ZNF728: variants seen among roughly 807,000 people sequenced by gnomAD.
The protein encoded by ZNF728 is zinc finger protein 728.
A neutral mutation model predicts 12.5 loss-of-function variants in ZNF728; 12 were observed. The ratio of observed to expected loss-of-function variants is 0.96; its 90% CI spans 0.61 to 1.55. The LOEUF is 1.55. ZNF728 is among the 40% of genes most tolerant of loss of function. ZNF728 has a pLI of 0.00. For missense variants in ZNF728, 692 were observed against 719.2 expected, an observed-to-expected ratio of 0.96 and a Z score of 0.43; for synonymous variants, 205 against 240.7, an observed-to-expected ratio of 0.85 and a Z score of 1.37.
At chr19:22,978,485 C>A (rs889032279) in intron 3 of ZNF728, among the ~76,000 whole-genome samples, 1 of 152,164 alleles carries the variant, frequency 6.6e-6, no homozygotes, top group Non-Finnish European at 1.5e-5. Flanking sequence ...CATAAAAAAA[C>A]AACACCTAGC....
chr19:22,977,043 C>T lies in ZNF728; in HGVS notation c.294G>A (p.Val98=). The change falls in exon 4 of 4, where the codon GTG becomes GTA. Residue 98 remains valine, a synonymous_variant. Coordinates refer to ENST00000594710, the MANE Select transcript of ZNF728 (RefSeq NM_001267716.2). ...EQGREDSFQK[V]ILRRYEKCGH... The stretch of plus-strand genomic sequence containing the variant: ...CACATTTTTCATATCTTCTCAATAT[C>T]ACTTTTTGGAAAGAATCTTCTCTGC... 6.2e-7 allele frequency: 1 copy of T among 1,612,916 alleles called. No individual in the cohort carries two copies. The highest frequency in any genetic ancestry group is 1.1e-5 in the South Asian group (1 of 90,978).
At chr19:23,002,026 T>A (rs1313705831) in intron 1 of ZNF728, among the ~76,000 whole-genome samples, 1 of 152,084 alleles carries the variant, frequency 6.6e-6, no homozygotes, top group Non-Finnish European at 1.5e-5. Context: ...TTTTAAAAAA[T>A]CTAATTCGGC....
chr19:23,002,191 T>TGCAATCCCA (rs1247633035), intron 1 of ZNF728, among the ~76,000 whole-genome samples: 1 of 152,182 alleles, frequency 6.6e-6, no homozygotes, highest in Non-Finnish European at 1.5e-5. Flanking sequence ...GGCGCATGCC[T>TGCAATCCCA]GCAATCCCAG....
chr19:22,983,129 T>A (rs776497873), intron 3 of ZNF728, among the ~76,000 whole-genome samples: 7 of 151,400 alleles, frequency 4.6e-5, no homozygotes, highest in Non-Finnish European at 8.8e-5. Context: ...AGGGCTAATA[T>A]CCAGGATCTA....
At chr19:22,992,626 A>C (rs1469417477) in intron 1 of ZNF728, among the ~76,000 whole-genome samples, 1 of 152,106 alleles carries the variant, frequency 6.6e-6, no homozygotes, top group Non-Finnish European at 1.5e-5. Context: ...TATCTGTCTG[A>C]GCCTCGAGAC....
At chr19:22,993,579 C>G (rs868000943) in intron 1 of ZNF728, among the ~76,000 whole-genome samples, 1 of 152,052 alleles carries the variant, frequency 6.6e-6, no homozygotes, top group Non-Finnish European at 1.5e-5. Context: ...CTTTCATTAG[C>G]AGCACTTACA....
rs1968809913 is a variant in ZNF728 at position 22,976,865 on chromosome 19, A to C, written c.472T>G (p.Ser158Ala). The change falls in exon 4 of 4, where the codon TCA (serine) becomes GCA (alanine). Residue 158 changes from serine to alanine, a missense_variant. By Grantham distance (99) the Ser-to-Ala change is moderately conservative (BLOSUM62 1). Around this residue, in one of 3 missense-constraint regions of ZNF728, gnomAD observed 440 missense variants for 459.6 expected, o/e 0.96. Transcript: ENST00000594710. ...CTTATCTTATGTCTTTTTGAATTTG[A>C]ACATTTATGAAAGATGTTTGCATAT... The part of the protein sequence containing the change: ...GKYANIFHKC[S>A]NSKRHKIRHT... 1 of 1,613,326 alleles carries C rather than the reference A, an allele frequency of 6.2e-7. No homozygotes were observed. Among genetic ancestry groups the C allele is most frequent in the Non-Finnish European group, 8.5e-7 (1 of 1,179,670 alleles).
chr19:22,990,089 A>G (rs1257366176), intron 1 of ZNF728, among the ~76,000 whole-genome samples: 1 of 152,206 alleles, frequency 6.6e-6, no homozygotes, highest in Non-Finnish European at 1.5e-5. Context: ...ATAGAAAAAA[A>G]TATATTTTTC....
At chr19:22,997,847 T>C (rs1361304471) in intron 1 of ZNF728, among the ~76,000 whole-genome samples, 3 of 151,652 alleles carry the variant, frequency 2.0e-5, no homozygotes, top group Non-Finnish European at 4.4e-5. Context: ...TGAAGTCTGC[T>C]ATGCACATAA....
At chr19:23,002,705 G>A (rs1599536272) in intron 1 of ZNF728, among the ~76,000 whole-genome samples, 1 of 152,194 alleles carries the variant, frequency 6.6e-6, no homozygotes. Context: ...CACACGCCGA[G>A]TCAGGATTCT....
At chr19:22,988,080 A>G (rs866267509) in intron 2 of ZNF728, among the ~76,000 whole-genome samples, 2 of 152,142 alleles carry the variant, frequency 1.3e-5, no homozygotes, top group Non-Finnish European at 1.5e-5. Context: ...GGTTGTACTA[A>G]GTCAAGCAGC....
At position 22,975,594 on chromosome 19, in the gene ZNF728, TTTG is replaced by T. The variant is rs1354321309; in HGVS notation, c.1740_1742del (p.Asn580del). 1 of 1,606,954 alleles carries T rather than the reference TTTG, an allele frequency of 6.2e-7. No homozygotes were observed. The highest frequency in any genetic ancestry group is 1.3e-5 in the African/African-American group (1 of 74,740). ...TCTTTCCAGCATGAATTTTCTTATG[TTTG>T]TTAAGGACTGAGACCCAGCTAAAGG... On this transcript the variant is annotated inframe_deletion, in exon 4 of 4. Coordinates refer to ENST00000594710, the MANE Select transcript of ZNF728 (RefSeq NM_001267716.2).
At chr19:22,998,187 G>A (rs1042509812) in intron 1 of ZNF728, among the ~76,000 whole-genome samples, 9 of 151,988 alleles carry the variant, frequency 5.9e-5, no homozygotes, top group African/African-American at 2.2e-4. Flanking sequence ...GCAAAGACAC[G>A]GAATCAACCT....
intron 1 of ZNF728, among the ~76,000 whole-genome samples, chr19:22,993,606 C>A (rs117144874): frequency 0.073 from 10,771 of 147,890 alleles, 519 homozygotes; most frequent in Non-Finnish European, 0.1. Flanking sequence ...TTTGCAAAGG[C>A]AAAAAAAAAG....
Position 23,003,054 on chromosome 19 carries a change from C to T in ZNF728, c.-24G>A, listed in dbSNP as rs115347083. 3 of 1,578,896 alleles carry T rather than the reference C, an allele frequency of 1.9e-6. No individual in the cohort carries two copies. The highest frequency in any genetic ancestry group is 2.6e-6 in the Non-Finnish European group (3 of 1,162,998). On this transcript the variant is annotated 5_prime_UTR_variant, in exon 1 of 4. Coordinates refer to ENST00000594710, the MANE Select transcript of ZNF728 (RefSeq NM_001267716.2). The stretch of plus-strand genomic sequence containing the variant: ...ATTTCTAGGCTTCCGGGGGTCCTGG[C>T]GACTTAGTTGTGAATCTCCCAATAC...
At chr19:22,989,228 T>TC (rs398034287) in intron 1 of ZNF728, among the ~76,000 whole-genome samples, 5 of 151,844 alleles carry the variant, frequency 3.3e-5, no homozygotes, top group African/African-American at 1.2e-4. Context: ...TTTTTTTTTT[T>TC]CAGAACATCA....
chr19:22,998,659 T>C (rs978036174), intron 1 of ZNF728, among the ~76,000 whole-genome samples: 5 of 152,180 alleles, frequency 3.3e-5, no homozygotes, highest in African/African-American at 1.2e-4. Flanking sequence ...GTAGTTATAT[T>C]TACAGGTTTC....
At chr19:22,977,804 G>A (rs530504818) in intron 3 of ZNF728, among the ~76,000 whole-genome samples, 2 of 152,174 alleles carry the variant, frequency 1.3e-5, no homozygotes, top group Admixed American at 1.3e-4. Flanking sequence ...CCAGGACAAA[G>A]CTATATTATA....
At chr19:22,988,291 T>C in intron 2 of ZNF728, 34 bp downstream of exon 2, 1 of 1,613,922 alleles carries the variant, frequency 6.2e-7, no homozygotes, top group Non-Finnish European at 8.5e-7. Flanking sequence ...ACCTATAGTG[T>C]ATACTAGGAA....
Sources: gnomAD v4.1 joint callset for allele counts (sites outside exome capture counted in the v4.1 genomes callset) on GRCh38, gnomAD v4.1.1 for gene constraint, gnomAD v4.1.1 regional missense constraint, MANE v1.5 for transcripts, NCBI Gene and HGNC (gene_info 2026-07-23, HGNC 2026-07-21) for gene names.